The following GALNT16 variants were observed in gnomAD, a reference collection of about 807,000 sequenced individuals.
The protein encoded by GALNT16 is UDP-GalNAc:polypeptide N-acetylgalactosaminyltransferase-like protein 1.
In GALNT16, 40 loss-of-function variants were observed where a neutral mutation model predicts 76.1. The ratio of observed to expected loss-of-function variants is 0.53; its 90% CI spans 0.41 to 0.68. The LOEUF (loss-of-function observed/expected upper bound fraction) is 0.68. Among genes scored for constraint, GALNT16 ranks in the 30% least tolerant of loss-of-function variants. GALNT16 has a pLI of 0.00. For synonymous variants in GALNT16, 276 were observed against 285.2 expected (o/e 0.97, Z 0.32); for missense variants, 621 against 731.9 (o/e 0.85, Z 1.75).
At chr14:69,266,226 G>GA (rs569956875) in intron 1 of GALNT16, among the ~76,000 whole-genome samples, 1 of 152,024 alleles carries the variant, frequency 6.6e-6, no homozygotes, top group Admixed American at 6.5e-5. Context: ...ATTCGATGGG[G>GA]AAAAAAATGC....
intron 1 of GALNT16, among the ~76,000 whole-genome samples, chr14:69,269,478 G>A (rs1483625825): frequency 1.3e-5 from 2 of 150,626 alleles, no homozygotes; most frequent in East Asian, 1.9e-4. Flanking sequence ...TGTGTGTGTA[G>A]TATGTGATGT....
At position 69,345,408 on chromosome 14, in the gene GALNT16, G is replaced by A. The variant is rs1052853222; in HGVS notation, c.1272-1632G>A. Among the ~76,000 whole-genome samples, 4 of 152,096 alleles carry A rather than the reference G, an allele frequency of 2.6e-5. No homozygotes were observed. The East Asian group carries it at 5.8e-4, about 22-fold the overall frequency. ...GAGCAGATCAGTTCTGGAACTTTGC[G>A]GCTTCTAGCCACCCCTGAGGAAGGA... On this transcript the variant is annotated intron_variant, in intron 12 of 14. Coordinates refer to ENST00000448469, the MANE Select transcript of GALNT16 (RefSeq NM_001168368.2).
At chr14:69,358,774 T>G (rs996836343), downstream of GALNT16, 1 of 152,288 alleles carries the variant, frequency 6.6e-6, no homozygotes, top group African/African-American at 2.4e-5. Context: ...TGGAATGCTC[T>G]CAGAGGAGCC....
chr14:69,280,000 A>AT, intron 1 of GALNT16, among the ~76,000 whole-genome samples: 1 of 152,322 alleles, frequency 6.6e-6, no homozygotes, highest in African/African-American at 2.4e-5. Flanking sequence ...GTATTGATTT[A>AT]TTTTTCTTAT....
intron 1 of GALNT16, among the ~76,000 whole-genome samples, chr14:69,262,036 G>C (rs987830598): frequency 1.3e-5 from 2 of 152,232 alleles, no homozygotes; most frequent in Non-Finnish European, 2.9e-5. Flanking sequence ...GTCCAAACCA[G>C]CAGTGGCCTC....
At chr14:69,369,935 G>A in the GALNT16 span, among the ~76,000 whole-genome samples, 1 of 152,170 alleles carries the variant, frequency 6.6e-6, no homozygotes, top group Non-Finnish European at 1.5e-5. Flanking sequence ...CTCCTTTGGG[G>A]ATGCCCACAC....
intron 1 of GALNT16, among the ~76,000 whole-genome samples, chr14:69,267,312 T>A (rs2044352736): frequency 6.6e-6 from 1 of 152,200 alleles, no homozygotes; most frequent in African/African-American, 2.4e-5. Context: ...CCAGAGGTAC[T>A]TTGGGAAAGA....
intron 1 of GALNT16, among the ~76,000 whole-genome samples, chr14:69,276,369 G>C (rs1465147469): frequency 6.6e-6 from 1 of 152,218 alleles, no homozygotes; most frequent in Non-Finnish European, 1.5e-5. Context: ...TTGTTTGTTT[G>C]CTTCAGTTTT....
upstream of GALNT16, chr14:69,260,010 C>G: frequency 2.9e-6 from 1 of 349,520 alleles, no homozygotes; most frequent in Non-Finnish European, 5.2e-6. Flanking sequence ...GTGGGTCAGC[C>G]GGCGGCGGCT....
intron 1 of GALNT16, among the ~76,000 whole-genome samples, chr14:69,287,446 T>C (rs778317934): frequency 6.6e-6 from 1 of 152,204 alleles, no homozygotes; most frequent in Non-Finnish European, 1.5e-5. Flanking sequence ...GGGTAATCTT[T>C]CTTTTTAGCA....
At chr14:69,340,998 T>C (rs2045478980) in intron 11 of GALNT16, among the ~76,000 whole-genome samples, 1 of 152,206 alleles carries the variant, frequency 6.6e-6, no homozygotes, top group Non-Finnish European at 1.5e-5. Flanking sequence ...TATCTCCCTT[T>C]TTTTGAAAAA....
In GALNT16 at chr14:69,333,451, T is replaced by C; in HGVS notation, c.864-46T>C. ...CCTGGGGCCATCTAAAGGGCCTCCT[T>C]GCTTCTCCAGCTCACGTGTTGCGTC... On this transcript the variant is annotated intron_variant, in intron 8 of 14. Transcript: ENST00000448469. The surrounding 1 kb of genome is among the most constrained non-coding windows in gnomAD (Gnocchi z 4.2). The C allele has an allele frequency of 8.3e-7, 1 of 1,206,968 alleles. No homozygotes were observed. 74.8% of individuals were successfully genotyped at this position (1,206,968 alleles called of 1,614,324 possible).
chr14:69,277,004 G>A (rs1028423164), intron 1 of GALNT16, among the ~76,000 whole-genome samples: 2 of 152,144 alleles, frequency 1.3e-5, no homozygotes, highest in East Asian at 1.9e-4. Context: ...TGAACCTGAA[G>A]ATCAACCCTG....
chr14:69,289,571 C>T (rs2044662627), intron 1 of GALNT16, among the ~76,000 whole-genome samples: 1 of 152,070 alleles, frequency 6.6e-6, no homozygotes, highest in Non-Finnish European at 1.5e-5. Flanking sequence ...CAGGGGCCTA[C>T]AAGGACTGCC....
chr14:69,386,104 G>C, the GALNT16 span, among the ~76,000 whole-genome samples: 1 of 152,192 alleles, frequency 6.6e-6, no homozygotes, highest in Non-Finnish European at 1.5e-5. Context: ...AGTGATCAAA[G>C]TGAAATGGCT....
At chr14:69,357,530 C>G (rs534861603), downstream of GALNT16, 1 of 152,354 alleles carries the variant, frequency 6.6e-6, no homozygotes, top group Admixed American at 6.5e-5. Context: ...AGGGACCATT[C>G]CTCCAGGGCT....
chr14:69,345,502 AC>A (rs1232445596), intron 12 of GALNT16, among the ~76,000 whole-genome samples: 1 of 151,984 alleles, frequency 6.6e-6, no homozygotes, highest in African/African-American at 2.4e-5. Flanking sequence ...TAATGGCCCA[AC>A]CCCCCAGGCC....
intron 1 of GALNT16, among the ~76,000 whole-genome samples, chr14:69,285,606 G>A (rs1289112243): frequency 6.6e-6 from 1 of 152,174 alleles, no homozygotes; most frequent in Non-Finnish European, 1.5e-5. Context: ...CCTGCACAAT[G>A]TACCATCGTC....
At chr14:69,314,510 C>T (rs1434536597) in intron 1 of GALNT16, among the ~76,000 whole-genome samples, 4 of 152,232 alleles carry the variant, frequency 2.6e-5, no homozygotes, top group African/African-American at 9.6e-5. Context: ...CTGTACCCAA[C>T]CTGAGGTTCC....
Sources: allele counts gnomAD v4.1 joint callset (sites outside exome capture counted in the v4.1 genomes callset), GRCh38; gene constraint gnomAD v4.1.1; non-coding constraint Gnocchi (gnomAD v3.1); transcripts MANE v1.5; gene names NCBI Gene and HGNC (gene_info 2026-07-23, HGNC 2026-07-21).